The following ASCC3 variants were observed in gnomAD, a reference collection of about 807,000 sequenced individuals.
ASCC3 encodes activating signal cointegrator 1 complex subunit 3.
Under a neutral mutation model 256.3 loss-of-function variants are expected in ASCC3, and 158 were observed. The ratio of observed to expected loss-of-function variants is 0.62; its 90% CI spans 0.54 to 0.70. The LOEUF (loss-of-function observed/expected upper bound fraction) is 0.70. ASCC3 is among the 30% of genes least tolerant of loss of function. ASCC3 has a pLI of 0.00. For missense variants in ASCC3, 2,259 were observed against 2,626.0 expected, an observed-to-expected ratio of 0.86 and a Z score of 3.05; for synonymous variants, 948 against 883.4, an observed-to-expected ratio of 1.07 and a Z score of -1.30.
At chr6:100,562,795 C>G (rs1770024790) in intron 36 of ASCC3, among the ~76,000 whole-genome samples, 1 of 151,948 alleles carries the variant, frequency 6.6e-6, no homozygotes, top group South Asian at 2.1e-4. Flanking sequence ...AGTTTCAAAT[C>G]TTTTAGAGAT....
rs797004809 is a variant in ASCC3, at chr6:100,848,355, C to T, written c.594G>A (p.Lys198=). 5 of 1,614,032 alleles carry T rather than the reference C, an allele frequency of 3.1e-6. No homozygotes were observed. In the African/African-American group the frequency reaches 6.7e-5, roughly 22 times the overall value. ...TQKTISLDYK[K]FLNEHLQEAC... ...CCTCCTGGAGATGTTCATTCAGAAA[C>T]TTCTTATAATCTAGGCTTATAGTTT... The change falls in exon 4 of 42, where the codon AAG becomes AAA. Residue 198 remains lysine, a synonymous_variant. Transcript: ENST00000369162.
chr6:100,707,326 T>C (rs1034798234), intron 13 of ASCC3, among the ~76,000 whole-genome samples: 14 of 152,206 alleles, frequency 9.2e-5, no homozygotes, highest in Admixed American at 7.9e-4. Flanking sequence ...TTTCTATTTA[T>C]GCTTCTGTCA....
intron 13 of ASCC3, chr6:100,715,207 A>T (rs1044589557): frequency 6.3e-6 from 2 of 317,188 alleles, no homozygotes; most frequent in South Asian, 1.2e-4. Context: ...TGAAAACAGT[A>T]AGAATATAAT....
chr6:100,610,975 T>A (rs937336636), intron 30 of ASCC3, among the ~76,000 whole-genome samples: 5 of 152,226 alleles, frequency 3.3e-5, no homozygotes, highest in African/African-American at 1.2e-4. Context: ...TAAACTTACA[T>A]AAGTATATAT....
chr6:100,702,986 C>A (rs918989416), intron 13 of ASCC3, among the ~76,000 whole-genome samples: 2 of 152,054 alleles, frequency 1.3e-5, no homozygotes, highest in African/African-American at 4.8e-5. Flanking sequence ...TTAGGCATGA[C>A]CAATGATCAT....
intron 10 of ASCC3, among the ~76,000 whole-genome samples, chr6:100,746,405 G>C (rs1780679906): frequency 6.6e-6 from 1 of 152,094 alleles, no homozygotes. Flanking sequence ...GCATTGAAAT[G>C]AGATGGAAAA....
chr6:100,697,545 TA>T (rs35793750), intron 13 of ASCC3, among the ~76,000 whole-genome samples: 71,981 of 149,314 alleles, frequency 0.48, 17,295 homozygotes, highest in East Asian at 0.59. Flanking sequence ...GTAACTGTAT[TA>T]AAAAAAAAAA....
intron 8 of ASCC3, among the ~76,000 whole-genome samples, chr6:100,783,708 G>GT (rs1782555125): frequency 6.6e-6 from 1 of 152,152 alleles, no homozygotes; most frequent in Non-Finnish European, 1.5e-5. Context: ...TGACAAGTCA[G>GT]TAGACTAACT....
rs774810397 is a variant in ASCC3 at position 100,628,992 on chromosome 6, G to C, written c.4375+23C>G. Reference sequence around the variant, plus strand: ...TTACAAAGTTAAAGTTTGTAAACTGGCTTTAGATACAGTGGTACCTACCAA... The same window carrying C: ...TTACAAAGTTAAAGTTTGTAAACTGCCTTTAGATACAGTGGTACCTACCAA... On this transcript the variant is annotated intron_variant, in intron 27 of 41. Transcript: ENST00000369162. 1.1e-5 allele frequency: 18 copies of C among 1,605,858 alleles called. No individual in the cohort carries two copies. The African/African-American group carries it at 2.0e-4, about 18-fold the overall frequency.
chr6:100,677,781 G>C (rs1269701929), intron 14 of ASCC3, among the ~76,000 whole-genome samples: 1 of 151,044 alleles, frequency 6.6e-6, no homozygotes, highest in Non-Finnish European at 1.5e-5. Flanking sequence ...TCTAATAATA[G>C]TTGGATCAGG....
chr6:100,874,326 C>T (rs9399697), intron 1 of ASCC3, among the ~76,000 whole-genome samples: 52,208 of 151,598 alleles, frequency 0.34, 10,515 homozygotes, highest in Middle Eastern at 0.47. Context: ...ATTAGTTGGG[C>T]GTGGTGGTGC....
At chr6:100,840,951 A>C (rs1028299547) in intron 4 of ASCC3, among the ~76,000 whole-genome samples, 70 of 152,246 alleles carry the variant, frequency 4.6e-4, no homozygotes, top group Non-Finnish European at 8.8e-4. Flanking sequence ...AAAAAAAGAG[A>C]AAAAATTGAT....
At chr6:100,608,857 GGGTTCAC>G (rs1773239080) in intron 30 of ASCC3, among the ~76,000 whole-genome samples, 1 of 137,548 alleles carries the variant, frequency 7.3e-6, no homozygotes, top group Non-Finnish European at 1.5e-5. Context: ...TCTGCCTCCC[GGGTTCAC>G]GCCATTCTCC....
chr6:100,850,283 A>G (rs1351972488), intron 3 of ASCC3, among the ~76,000 whole-genome samples: 4 of 152,062 alleles, frequency 2.6e-5, no homozygotes, highest in Non-Finnish European at 5.9e-5. Context: ...TTCTTCACCA[A>G]AAACCACGTT....
chr6:100,738,453 C>A (rs984603968), intron 10 of ASCC3, among the ~76,000 whole-genome samples: 30 of 152,084 alleles, frequency 2.0e-4, no homozygotes, highest in African/African-American at 7.2e-4. Context: ...AGTTCTCTCA[C>A]CACCATTTAT....
chr6:100,755,591 T>C (rs1191106242), intron 10 of ASCC3, among the ~76,000 whole-genome samples: 3 of 152,120 alleles, frequency 2.0e-5, no homozygotes, highest in African/African-American at 7.2e-5. Flanking sequence ...CATCTGAGTA[T>C]AGAATTATGT....
At chr6:100,680,659 T>C (rs1777253085) in intron 13 of ASCC3, among the ~76,000 whole-genome samples, 1 of 152,168 alleles carries the variant, frequency 6.6e-6, no homozygotes, top group African/African-American at 2.4e-5. Context: ...TATGTGTGGG[T>C]GCAGTAAATG....
At chr6:100,648,678 C>T (rs2114906698) in intron 20 of ASCC3, among the ~76,000 whole-genome samples, 1 of 152,050 alleles carries the variant, frequency 6.6e-6, no homozygotes, top group African/African-American at 2.4e-5. Flanking sequence ...ATTTTGATTA[C>T]TGTATCTACC....
At chr6:100,880,044 G>A (rs534448878) in intron 1 of ASCC3, among the ~76,000 whole-genome samples, 9 of 152,258 alleles carry the variant, frequency 5.9e-5, no homozygotes, top group Admixed American at 5.9e-4. Flanking sequence ...TGACACATAG[G>A]AAGACTTGAA....
Sources: gnomAD v4.1 joint callset for allele counts (sites outside exome capture counted in the v4.1 genomes callset) on GRCh38, gnomAD v4.1.1 for gene constraint, MANE v1.5 for transcripts, NCBI Gene and HGNC (gene_info 2026-07-23, HGNC 2026-07-21) for gene names.